The following COL13A1 variants were observed in gnomAD, a reference collection of about 807,000 sequenced individuals.
COL13A1 encodes collagen alpha-1(XIII) chain.
In COL13A1, 89 loss-of-function variants were observed where a neutral mutation model predicts 130.9. That is an observed-to-expected ratio of 0.68 (90% CI 0.57 to 0.81). The LOEUF (loss-of-function observed/expected upper bound fraction) is 0.81, where lower values mean the gene tolerates loss of function less well. COL13A1 is among the 30% of genes least tolerant of loss of function. The pLI is 0.00. For synonymous variants in COL13A1, 402 were observed against 341.6 expected, an observed-to-expected ratio of 1.18 and a Z score of -1.95; for missense variants, 879 against 934.6, an observed-to-expected ratio of 0.94 and a Z score of 0.78.
chr10:69,813,465 G>A (rs929016358), intron 1 of COL13A1, among the ~76,000 whole-genome samples: 1 of 152,170 alleles, frequency 6.6e-6, no homozygotes, highest in African/African-American at 2.4e-5. Flanking sequence ...TCTGTGTGTG[G>A]TTCTGGTGAG....
intron 2 of COL13A1, chr10:69,824,190 C>T (rs567885421): frequency 4.7e-5 from 22 of 470,706 alleles, no homozygotes; most frequent in Non-Finnish European, 8.4e-5. Flanking sequence ...AGAGATTCCT[C>T]GAGATAATCC....
At chr10:69,852,715 G>A (rs574760212) in intron 2 of COL13A1, among the ~76,000 whole-genome samples, 3 of 152,366 alleles carry the variant, frequency 2.0e-5, no homozygotes, top group Non-Finnish European at 2.9e-5. Flanking sequence ...CAAGGGTGGC[G>A]CCAAGAGTGG....
intron 2 of COL13A1, among the ~76,000 whole-genome samples, chr10:69,838,618 A>G (rs1200962661): frequency 6.6e-6 from 1 of 152,176 alleles, no homozygotes; most frequent in Non-Finnish European, 1.5e-5. Flanking sequence ...CCTCTGAAAC[A>G]CCACTACCTT....
intron 2 of COL13A1, among the ~76,000 whole-genome samples, chr10:69,823,220 A>T (rs1846569848): frequency 6.6e-6 from 1 of 152,192 alleles, no homozygotes; most frequent in East Asian, 1.9e-4. Flanking sequence ...TCCACCATGA[A>T]TGCAAGTGAT....
chr10:69,883,110 G>A (rs945824319), intron 7 of COL13A1, among the ~76,000 whole-genome samples: 2 of 152,192 alleles, frequency 1.3e-5, no homozygotes, highest in African/African-American at 2.4e-5. Context: ...CTTGGAGTTT[G>A]ATAAATGGTC....
Position 69,822,421 on chromosome 10 carries a change from G to A in COL13A1, c.347G>A (p.Gly116Glu). 1 of 1,593,596 alleles carries A rather than the reference G, an allele frequency of 6.3e-7. No individual in the cohort carries two copies. Among genetic ancestry groups the A allele is most frequent in the Non-Finnish European group, 8.5e-7 (1 of 1,170,350 alleles). Residue 116 changes from glycine (G) to glutamate (E), a missense_variant, in exon 2 of 41, where the codon GGA becomes GAA. Physicochemically the swap from Gly to Glu is moderately conservative, Grantham distance 98. Coordinates refer to ENST00000645393, the MANE Select transcript of COL13A1 (RefSeq NM_001368882.1). ...RRREAPKTSP[G>E]CNCPPGPPGP... is the part of the protein sequence containing the mutation. ...CGGGAGGCCCCAAAGACATCTCCAG[G>A]ATGTAACTGCCCACCAGGTAAGCAG...
At chr10:69,861,410 T>C (rs1051682119) in intron 2 of COL13A1, among the ~76,000 whole-genome samples, 2 of 152,190 alleles carry the variant, frequency 1.3e-5, no homozygotes, top group African/African-American at 4.8e-5. Context: ...TACTGGCTCC[T>C]GTCCCTTCCT....
intron 2 of COL13A1, among the ~76,000 whole-genome samples, chr10:69,824,619 G>A (rs1847032639): frequency 6.6e-6 from 1 of 152,214 alleles, no homozygotes; most frequent in African/African-American, 2.4e-5. Context: ...AAGCAGCTCA[G>A]AGGGTCAGGG....
chr10:69,874,660 T>C (rs1346999151), intron 4 of COL13A1, among the ~76,000 whole-genome samples: 1 of 152,198 alleles, frequency 6.6e-6, no homozygotes, highest in African/African-American at 2.4e-5. Context: ...GGAGGAGCAC[T>C]GCTCTCCAGC....
intron 2 of COL13A1, among the ~76,000 whole-genome samples, chr10:69,842,187 A>G (rs1042942546): frequency 1.3e-5 from 2 of 152,184 alleles, no homozygotes; most frequent in East Asian, 1.9e-4. Context: ...GTGGTAATGA[A>G]TAAGTCTCGT....
chr10:69,889,580 C>A, intron 10 of COL13A1, 140 bp downstream of exon 10: 1 of 1,084,050 alleles, frequency 9.2e-7, no homozygotes, highest in Non-Finnish European at 1.4e-6. Flanking sequence ...GCTGTGTAAA[C>A]CACATGCCCT....
At chr10:69,829,250 C>T (rs1466278541) in intron 2 of COL13A1, 8 of 985,326 alleles carry the variant, frequency 8.1e-6, no homozygotes, top group Non-Finnish European at 8.4e-6. Context: ...TGCCACCTGA[C>T]CTCCTCCAAA....
intron 2 of COL13A1, among the ~76,000 whole-genome samples, chr10:69,865,828 G>T (rs2058462512): frequency 6.6e-6 from 1 of 152,130 alleles, no homozygotes; most frequent in South Asian, 2.1e-4. Context: ...TTGCAGGGTG[G>T]GGGGTAGGTT....
At chr10:69,848,628 C>T (rs569394550) in intron 2 of COL13A1, among the ~76,000 whole-genome samples, 10 of 152,342 alleles carry the variant, frequency 6.6e-5, no homozygotes, top group Admixed American at 3.3e-4. Flanking sequence ...TGTGGACCCA[C>T]GCACCGTCCT....
chr10:69,942,593 A>G (rs536912384), intron 35 of COL13A1, among the ~76,000 whole-genome samples: 3,303 of 125,014 alleles, frequency 0.026, 83 homozygotes, highest in South Asian at 0.13. Flanking sequence ...AATGTGGGGA[A>G]AAAAAATAAG....
chr10:69,804,761 A>G (rs1468787980), intron 1 of COL13A1, among the ~76,000 whole-genome samples: 1 of 141,008 alleles, frequency 7.1e-6, no homozygotes, highest in Non-Finnish European at 1.5e-5. Context: ...ACTTACATAC[A>G]GGGAAGTAGT....
chr10:69,861,898 G>T (rs973357561), intron 2 of COL13A1, among the ~76,000 whole-genome samples: 1 of 152,200 alleles, frequency 6.6e-6, no homozygotes, highest in Admixed American at 6.5e-5. Context: ...AGGTCTGGGG[G>T]TGTCTTGTGG....
chr10:69,936,647 C>A, intron 32 of COL13A1, 109 bp from the exon 33 acceptor site: 2 of 1,355,584 alleles, frequency 1.5e-6, no homozygotes, highest in Non-Finnish European at 2.1e-6. Context: ...GGACCCCAAA[C>A]CATACTCTGC....
chr10:69,917,657 T>C (rs2064094101), intron 18 of COL13A1, among the ~76,000 whole-genome samples: 1 of 150,426 alleles, frequency 6.6e-6, no homozygotes, highest in South Asian at 2.1e-4. Context: ...GCATCATCTA[T>C]CTCTCAAAGT....
Sources: allele counts gnomAD v4.1 joint callset (sites outside exome capture counted in the v4.1 genomes callset), GRCh38; gene constraint gnomAD v4.1.1; transcripts MANE v1.5; gene names NCBI Gene and HGNC (gene_info 2026-07-23, HGNC 2026-07-21).